Variants in HYCC2 observed in about 807,000 individuals in gnomAD.
HYCC2 encodes hyccin PI4KA lipid kinase complex subunit 2, also known as hyccin 2.
the HYCC2 span, among the ~76,000 whole-genome samples, chr2:201,046,881 T>G: frequency 1.3e-5 from 2 of 152,280 alleles, no homozygotes; most frequent in South Asian, 4.1e-4. Flanking sequence ...TTCTTTCATA[T>G]ACAAAGTCTG....
the HYCC2 span, among the ~76,000 whole-genome samples, chr2:201,023,409 T>C: frequency 6.6e-6 from 1 of 152,032 alleles, no homozygotes; most frequent in Non-Finnish European, 1.5e-5. Flanking sequence ...GATGTTATAG[T>C]ACACAATTCT....
At chr2:201,019,057 T>C in the HYCC2 span, among the ~76,000 whole-genome samples, 1 of 152,184 alleles carries the variant, frequency 6.6e-6, no homozygotes, top group South Asian at 2.1e-4. Context: ...GTAATAAACT[T>C]TTGGAAACTG....
the HYCC2 span, chr2:200,980,973 G>T: frequency 2.5e-6 from 1 of 396,004 alleles, no homozygotes; most frequent in South Asian, 3.0e-5. Context: ...AAATGGGACC[G>T]ATCAGCCTAC....
chr2:201,039,557 G>T, the HYCC2 span, among the ~76,000 whole-genome samples: 19 of 152,196 alleles, frequency 1.2e-4, no homozygotes, highest in African/African-American at 4.3e-4. Flanking sequence ...GAATGATTTG[G>T]CAATTTTGTT....
At chr2:201,040,599 C>T in the HYCC2 span, among the ~76,000 whole-genome samples, 2 of 151,960 alleles carry the variant, frequency 1.3e-5, no homozygotes, top group African/African-American at 4.8e-5. Context: ...AGCAATTCTG[C>T]CTCAGCCTCC....
chr2:200,982,934 T>G, the HYCC2 span, among the ~76,000 whole-genome samples: 1 of 152,024 alleles, frequency 6.6e-6, no homozygotes, highest in Non-Finnish European at 1.5e-5. Context: ...ATTTTTGTAT[T>G]TTTAGTAGAG....
At chr2:201,036,332 C>CT in the HYCC2 span, among the ~76,000 whole-genome samples, 1 of 152,150 alleles carries the variant, frequency 6.6e-6, no homozygotes, top group Admixed American at 6.5e-5. Flanking sequence ...GAGCTGGTAC[C>CT]ATTCCTTCTA....
chr2:200,983,311 G>T, the HYCC2 span, among the ~76,000 whole-genome samples: 34 of 152,004 alleles, frequency 2.2e-4, no homozygotes, highest in Non-Finnish European at 3.4e-4. Context: ...AAAATGTTAG[G>T]AAAGAATCTA....
the HYCC2 span, among the ~76,000 whole-genome samples, chr2:201,049,515 T>TG: frequency 3.3e-5 from 5 of 151,330 alleles, no homozygotes; most frequent in Non-Finnish European, 7.4e-5. Context: ...CACCCCGGTT[T>TG]TTTTTTTTTT....
At chr2:200,995,290 T>C in the HYCC2 span, among the ~76,000 whole-genome samples, 1 of 152,300 alleles carries the variant, frequency 6.6e-6, no homozygotes, top group East Asian at 1.9e-4. Flanking sequence ...GCAGGATCTC[T>C]TCCCAGTAAC....
chr2:200,982,143 C>T, the HYCC2 span, among the ~76,000 whole-genome samples: 12 of 150,818 alleles, frequency 8.0e-5, no homozygotes, highest in South Asian at 4.2e-4. Context: ...GCATGTAAAA[C>T]GACTAGGTAA....
At chr2:200,992,488 C>G in the HYCC2 span, 1 of 720,590 alleles carries the variant, frequency 1.4e-6, no homozygotes, top group Non-Finnish European at 2.5e-6. Context: ...CCAAGTGTTA[C>G]GTCATTTCAT....
the HYCC2 span, chr2:200,981,040 T>C: frequency 1.7e-6 from 1 of 577,346 alleles, no homozygotes; most frequent in East Asian, 3.1e-5. The surrounding 1 kb of genome is among the most constrained non-coding windows in gnomAD (Gnocchi z 4.5). Flanking sequence ...AACCATTTTA[T>C]ACTGCTTCAC....
chr2:200,988,422 C>T, the HYCC2 span: 1 of 1,609,424 alleles, frequency 6.2e-7, no homozygotes, highest in Admixed American at 1.7e-5. Flanking sequence ...CATTGGCAAC[C>T]TACAATGATA....
the HYCC2 span, among the ~76,000 whole-genome samples, chr2:200,986,120 G>GA: frequency 1.3e-5 from 2 of 152,098 alleles, no homozygotes; most frequent in Non-Finnish European, 2.9e-5. Flanking sequence ...AGATACAGGG[G>GA]AAAAAGGGAA....
chr2:201,046,336 AC>A, the HYCC2 span, among the ~76,000 whole-genome samples: 48 of 152,214 alleles, frequency 3.2e-4, no homozygotes, highest in Non-Finnish European at 6.2e-4. Flanking sequence ...ATGTGTCAGG[AC>A]CCCCTACTCC....
chr2:201,057,045 G>A, the HYCC2 span, among the ~76,000 whole-genome samples: 1 of 152,192 alleles, frequency 6.6e-6, no homozygotes, highest in Non-Finnish European at 1.5e-5. Flanking sequence ...CTTCTGAAGA[G>A]AGCTATGCCC....
the HYCC2 span, among the ~76,000 whole-genome samples, chr2:201,068,217 G>C: frequency 3.2e-4 from 48 of 152,100 alleles, no homozygotes; most frequent in Non-Finnish European, 6.6e-4. Context: ...AACCCGGGAG[G>C]CAGAGGTTGC....
At chr2:201,008,302 G>C in the HYCC2 span, among the ~76,000 whole-genome samples, 1 of 152,194 alleles carries the variant, frequency 6.6e-6, no homozygotes, top group African/African-American at 2.4e-5. Context: ...ATCCTGGTTT[G>C]ACTGACTGCA....
Sources: gnomAD v4.1 joint callset for allele counts (sites outside exome capture counted in the v4.1 genomes callset) on GRCh38, gnomAD v4.1.1 for gene constraint, Gnocchi (gnomAD v3.1) non-coding constraint, MANE v1.5 for transcripts, NCBI Gene and HGNC (gene_info 2026-07-23, HGNC 2026-07-21) for gene names.